C12orf42: variants seen among roughly 807,000 people sequenced by gnomAD.
C12orf42 encodes uncharacterized protein C12orf42.
Under a neutral mutation model 21.6 loss-of-function variants are expected in C12orf42, and 25 were observed. The observed-to-expected ratio is 1.16, with a 90% CI of 0.84 to 1.62. The LOEUF (loss-of-function observed/expected upper bound fraction) is 1.62. C12orf42 is among the 40% of genes most tolerant of loss of function. The pLI is 0.00. For missense variants in C12orf42, 483 were observed against 459.3 expected (o/e 1.05, Z -0.47); for synonymous variants, 174 against 175.0 (o/e 0.99, Z 0.05).
At chr12:103,370,541 A>G (rs2045102587) in intron 3 of C12orf42, among the ~76,000 whole-genome samples, 1 of 152,180 alleles carries the variant, frequency 6.6e-6, no homozygotes, top group South Asian at 2.1e-4. Context: ...GTGGAATACT[A>G]TGCAGCCATA....
At chr12:103,376,839 A>AT (rs1296671581) in intron 3 of C12orf42, among the ~76,000 whole-genome samples, 3 of 151,610 alleles carry the variant, frequency 2.0e-5, no homozygotes, top group Admixed American at 6.6e-5. Flanking sequence ...TTCTATAAAT[A>AT]TTTTTTCTTT....
chr12:103,288,418 T>C (rs1248300402), intron 4 of C12orf42, among the ~76,000 whole-genome samples: 1 of 152,114 alleles, frequency 6.6e-6, no homozygotes, highest in Non-Finnish European at 1.5e-5. Flanking sequence ...ATGGGATAAA[T>C]TGATCATAGA....
chr12:103,473,712 A>G (rs1281932821), intron 2 of C12orf42, among the ~76,000 whole-genome samples: 2 of 152,224 alleles, frequency 1.3e-5, no homozygotes, highest in African/African-American at 2.4e-5. Context: ...TTGAAAACAT[A>G]GAGTTGGTAC....
At chr12:103,319,094 A>C (rs1274824738) in intron 4 of C12orf42, among the ~76,000 whole-genome samples, 1 of 151,952 alleles carries the variant, frequency 6.6e-6, no homozygotes, top group Non-Finnish European at 1.5e-5. Context: ...TTTCTCACTG[A>C]CTCTTTTTAA....
intron 4 of C12orf42, among the ~76,000 whole-genome samples, chr12:103,355,436 G>C (rs1483138525): frequency 6.6e-6 from 1 of 152,076 alleles, no homozygotes; most frequent in Non-Finnish European, 1.5e-5. Context: ...ATACATTTTG[G>C]CTGGTCATTG....
chr12:103,076,124 T>C, the C12orf42 span, among the ~76,000 whole-genome samples: 1 of 152,038 alleles, frequency 6.6e-6, no homozygotes, highest in African/African-American at 2.4e-5. Flanking sequence ...AAATACCTAA[T>C]GCTATATAGA....
At chr12:103,192,845 A>C in the C12orf42 span, among the ~76,000 whole-genome samples, 2 of 151,694 alleles carry the variant, frequency 1.3e-5, no homozygotes, top group Admixed American at 6.6e-5. Flanking sequence ...ATCCAGACAG[A>C]AAATCAACAA....
At chr12:103,164,647 A>G in the C12orf42 span, 2 of 440,588 alleles carry the variant, frequency 4.5e-6, no homozygotes, top group African/African-American at 2.0e-5. Context: ...TTAAGTTTGC[A>G]TTGTTGTCTG....
At chr12:103,527,295 A>T in the C12orf42 span, among the ~76,000 whole-genome samples, 2 of 152,160 alleles carry the variant, frequency 1.3e-5, no homozygotes, top group Non-Finnish European at 2.9e-5. Context: ...TCTGAGGGAA[A>T]AATGCTAAAG....
downstream of C12orf42, among the ~76,000 whole-genome samples, chr12:103,299,250 A>G: frequency 6.6e-6 from 1 of 152,098 alleles, no homozygotes; most frequent in East Asian, 1.9e-4. Flanking sequence ...AAATGGAGAT[A>G]ATAGTAACTA....
chr12:103,403,817 C>A (rs1255767136), intron 2 of C12orf42, among the ~76,000 whole-genome samples: 1 of 152,056 alleles, frequency 6.6e-6, no homozygotes, highest in African/African-American at 2.4e-5. Flanking sequence ...AGTAGTCAAC[C>A]TTTGCCCAGG....
the C12orf42 span, among the ~76,000 whole-genome samples, chr12:103,128,398 CA>C: frequency 6.6e-6 from 1 of 152,164 alleles, no homozygotes; most frequent in Non-Finnish European, 1.5e-5. Flanking sequence ...GGAGGGGGAG[CA>C]ATGTGGTACA....
At chr12:103,284,763 C>A (rs2036340078) in intron 4 of C12orf42, among the ~76,000 whole-genome samples, 2 of 152,160 alleles carry the variant, frequency 1.3e-5, no homozygotes, top group Non-Finnish European at 2.9e-5. Context: ...TGGGTTTTCC[C>A]ACAGAGCCAC....
chr12:103,306,252 G>C lies in C12orf42; in HGVS notation c.353C>G (p.Ser118Cys). The C allele has an allele frequency of 1.2e-6, 2 of 1,613,848 alleles. No homozygotes were observed. Among genetic ancestry groups the C allele is most frequent in the Non-Finnish European group, 1.7e-6 (2 of 1,179,844 alleles). ...IVPRCSVSTV[S>C]FDEESYEEFR... ...TTCTTCATAGCTTTCTTCATCAAAA[G>C]AAACTGTGCTTACAGAACACCTGGG... The change falls in exon 5 of 6, where the codon TCT (serine) becomes TGT (cysteine). Residue 118 changes from serine (S) to cysteine (C), a missense_variant. Coordinates refer to ENST00000548883, the MANE Select transcript of C12orf42 (RefSeq NM_198521.5).
At chr12:103,210,643 T>TTTTTTC in the C12orf42 span, among the ~76,000 whole-genome samples, 1 of 148,150 alleles carries the variant, frequency 6.7e-6, no homozygotes, top group South Asian at 2.1e-4. Flanking sequence ...CTATTTCTTT[T>TTTTTTC]TTTTTTTTTT....
the C12orf42 span, among the ~76,000 whole-genome samples, chr12:103,101,161 G>T: frequency 1.3e-5 from 2 of 152,224 alleles, no homozygotes; most frequent in Non-Finnish European, 2.9e-5. Flanking sequence ...TGCAAGTTAG[G>T]TTGACTGTTG....
the C12orf42 span, among the ~76,000 whole-genome samples, chr12:103,085,842 G>T: frequency 1.3e-5 from 2 of 152,108 alleles, no homozygotes; most frequent in African/African-American, 2.4e-5. Context: ...ACTAACCCTG[G>T]TGTGATAATA....
the C12orf42 span, among the ~76,000 whole-genome samples, chr12:103,224,887 G>C: frequency 2.0e-5 from 3 of 152,168 alleles, no homozygotes; most frequent in Admixed American, 2.0e-4. Context: ...GGAAGGAAAT[G>C]AGTTGTTGTT....
the C12orf42 span, among the ~76,000 whole-genome samples, chr12:103,520,703 AT>A: frequency 1.3e-5 from 2 of 152,188 alleles, no homozygotes; most frequent in African/African-American, 4.8e-5. Context: ...GAAAAAAAAA[AT>A]AAAACTAACA....
Sources: gnomAD v4.1 joint callset for allele counts (sites outside exome capture counted in the v4.1 genomes callset) on GRCh38, gnomAD v4.1.1 for gene constraint, MANE v1.5 for transcripts, NCBI Gene and HGNC (gene_info 2026-07-23, HGNC 2026-07-21) for gene names.